The following PTPRT variants were observed in gnomAD, a reference collection of about 807,000 sequenced individuals.
PTPRT encodes receptor-type tyrosine-protein phosphatase T.
A neutral mutation model predicts 176.8 loss-of-function variants in PTPRT; 56 were observed. The observed-to-expected ratio is 0.32, with a 90% CI of 0.26 to 0.40. PTPRT has a LOEUF of 0.40. Ranked by LOEUF, PTPRT falls within the 10% of genes least tolerant of loss-of-function variation. PTPRT has a pLI of 1.00. For missense variants in PTPRT, 1,540 were observed against 1,908.2 expected (o/e 0.81, Z 3.60); for synonymous variants, 783 against 739.0 (o/e 1.06, Z -0.96).
intron 2 of PTPRT, among the ~76,000 whole-genome samples, chr20:42,884,870 G>A (rs2079077628): frequency 6.6e-6 from 1 of 152,102 alleles, no homozygotes; most frequent in South Asian, 2.1e-4. Context: ...CACTTTCTCA[G>A]AGTCACAACT....
At chr20:42,168,438 C>T (rs544303674) in intron 16 of PTPRT, among the ~76,000 whole-genome samples, 1 of 152,282 alleles carries the variant, frequency 6.6e-6, no homozygotes, top group Admixed American at 6.5e-5. Context: ...ACCTGGCTGG[C>T]AGTCAGTGCC....
At chr20:42,739,367 G>A (rs1038296840) in intron 6 of PTPRT, among the ~76,000 whole-genome samples, 3 of 152,162 alleles carry the variant, frequency 2.0e-5, no homozygotes, top group African/African-American at 7.2e-5. Flanking sequence ...GTAGGGGGAA[G>A]AGAGGAGGAA....
rs559929267 is a variant in PTPRT at position 42,497,394 on chromosome 20, G to A, written c.1154-24832C>T. Among the ~76,000 whole-genome samples the A allele has an allele frequency of 2.6e-5, 4 of 151,444 alleles. No homozygotes were observed. The South Asian group carries it at 8.4e-4, about 32-fold the overall frequency. The stretch of plus-strand genomic sequence containing the variant: ...TCAATTATTTTCTTAATGGCATCTG[G>A]GGTATTGTCTGCTGCCTCTTGGTGG... On this transcript the variant is annotated intron_variant, in intron 7 of 30. Transcript: ENST00000373187.
chr20:42,266,687 C>G (rs1224749285), intron 13 of PTPRT, among the ~76,000 whole-genome samples: 5 of 152,124 alleles, frequency 3.3e-5, no homozygotes, highest in African/African-American at 1.2e-4. Flanking sequence ...CAGATTTTGC[C>G]AAACGTCCCC....
intron 1 of PTPRT, among the ~76,000 whole-genome samples, chr20:43,139,784 C>T (rs1474804515): frequency 5.3e-5 from 8 of 152,192 alleles, no homozygotes; most frequent in Non-Finnish European, 1.2e-4. Context: ...GGCTCTGCCA[C>T]GTGGGGCCCT....
At chr20:43,019,693 T>C (rs891838005) in intron 1 of PTPRT, among the ~76,000 whole-genome samples, 5 of 150,564 alleles carry the variant, frequency 3.3e-5, no homozygotes, top group African/African-American at 1.2e-4. Context: ...GAGACTGATG[T>C]GTGAGTCCAT....
At chr20:42,535,270 G>C (rs886682087) in intron 7 of PTPRT, among the ~76,000 whole-genome samples, 3 of 152,154 alleles carry the variant, frequency 2.0e-5, no homozygotes, top group African/African-American at 7.2e-5. Context: ...GGAGCTAAAT[G>C]ATGAGTACAT....
At chr20:42,954,569 A>G (rs1981496618) in intron 1 of PTPRT, among the ~76,000 whole-genome samples, 2 of 152,200 alleles carry the variant, frequency 1.3e-5, no homozygotes, top group South Asian at 4.1e-4. Flanking sequence ...CTTCAGCAGT[A>G]AGTGCTACAT....
At chr20:43,059,281 G>A (rs1987361225) in intron 1 of PTPRT, among the ~76,000 whole-genome samples, 2 of 151,988 alleles carry the variant, frequency 1.3e-5, no homozygotes, top group Admixed American at 1.3e-4. Flanking sequence ...TCTAAGTTTT[G>A]ATTCCTTTTT....
intron 1 of PTPRT, among the ~76,000 whole-genome samples, chr20:42,945,711 G>A (rs182052652): frequency 1.1e-4 from 17 of 152,274 alleles, no homozygotes; most frequent in Admixed American, 3.3e-4. Context: ...GGGGTGCTTC[G>A]CTCTTAATGA....
chr20:42,189,290 A>G (rs564985084), intron 16 of PTPRT, among the ~76,000 whole-genome samples: 4 of 152,230 alleles, frequency 2.6e-5, no homozygotes, highest in African/African-American at 9.6e-5. Flanking sequence ...CTTACATCGT[A>G]TTTTCCAAAT....
intron 7 of PTPRT, among the ~76,000 whole-genome samples, chr20:42,673,898 C>T (rs1306143320): frequency 6.6e-6 from 1 of 152,176 alleles, no homozygotes; most frequent in Non-Finnish European, 1.5e-5. Flanking sequence ...GTTTTTCCTC[C>T]ATGAAGCATG....
intron 17 of PTPRT, among the ~76,000 whole-genome samples, chr20:42,153,767 C>A (rs1436743131): frequency 6.6e-6 from 1 of 152,194 alleles, no homozygotes; most frequent in African/African-American, 2.4e-5. Flanking sequence ...GACTCTAGGC[C>A]AGCAACTCTT....
Position 42,700,940 on chromosome 20 carries a change from T to C in PTPRT, c.860-22781A>G, listed in dbSNP as rs191733396. Among the ~76,000 whole-genome samples, 8 of 152,302 alleles carry C rather than the reference T, an allele frequency of 5.3e-5. No individual in the cohort carries two copies. The East Asian group carries it at 7.7e-4, about 15-fold the overall frequency. On this transcript the variant is annotated intron_variant, in intron 6 of 30. Coordinates refer to ENST00000373187, the MANE Select transcript of PTPRT (RefSeq NM_007050.6). ...GGACATTCTGCCTCCTAGGAGCCTA[T>C]AGCCAGGCAGAGCCAGTGGGGGCGG... is the stretch of plus-strand genomic sequence containing the variant.
rs1446903475 is a variant in PTPRT at position 42,084,806 on chromosome 20, T to G, written c.4012A>C (p.Ile1338Leu). ...GYRIVQHLQYIGWPAYRDTPP... is the reference protein window; with the variant it reads ...GYRIVQHLQYLGWPAYRDTPP... ...GTGTCCCGGTAGGCAGGCCAGCCAA[T>G]GTACTGGAGGTGCTGGACTATACGA... Residue 1338 changes from isoleucine to leucine, a missense_variant, in exon 29 of 31, where the codon ATT (isoleucine) becomes CTT (leucine). Physicochemically the swap from Ile to Leu is conservative, Grantham distance 5. Coordinates refer to ENST00000373187, the MANE Select transcript of PTPRT (RefSeq NM_007050.6). 2 of 1,544,170 alleles carry G rather than the reference T, an allele frequency of 1.3e-6. No individual in the cohort carries two copies. Among genetic ancestry groups the G allele is most frequent in the East Asian group, 4.7e-5 (2 of 42,598 alleles).
At position 42,084,674 on chromosome 20, in the gene PTPRT, G is replaced by C; in HGVS notation, c.4136+8C>G. ...CTATTGCCCTGGTGACACCTCCCTA[G>C]TACTCACAGGCAGTGGACCACAGTA... is the stretch of plus-strand genomic sequence containing the variant. On this transcript the variant is annotated splice_region_variant and intron_variant, in intron 29 of 30. Coordinates refer to ENST00000373187, the MANE Select transcript of PTPRT (RefSeq NM_007050.6). The C allele has an allele frequency of 6.7e-7, 1 of 1,484,894 alleles. No homozygotes were observed. The highest frequency in any genetic ancestry group is 9.0e-7 in the Non-Finnish European group (1 of 1,105,948). The allele number at this position is 1,484,894 out of a possible 1,614,324, so 92.0% of individuals were successfully genotyped here. A position where few individuals can be genotyped will look rare whatever the true frequency, so the allele number is the denominator to read the frequency against.
intron 5 of PTPRT, among the ~76,000 whole-genome samples, chr20:42,768,073 G>T (rs6072864): frequency 0.2 from 30,093 of 149,392 alleles, 3,377 homozygotes; most frequent in African/African-American, 0.3. Flanking sequence ...CCAATTACCT[G>T]ATTGCACATA....
chr20:42,988,536 G>A (rs1279748960), intron 1 of PTPRT, among the ~76,000 whole-genome samples: 6 of 152,108 alleles, frequency 3.9e-5, no homozygotes, highest in East Asian at 1.9e-4. Context: ...CAAGCAGCTC[G>A]GTCATACAAC....
At chr20:42,422,093 T>C (rs1487964169) in intron 9 of PTPRT, among the ~76,000 whole-genome samples, 1 of 152,134 alleles carries the variant, frequency 6.6e-6, no homozygotes, top group African/African-American at 2.4e-5. Context: ...TCCAAAACTA[T>C]AAAAAATCTG....
Sources: allele counts gnomAD v4.1 joint callset (sites outside exome capture counted in the v4.1 genomes callset), GRCh38; gene constraint gnomAD v4.1.1; transcripts MANE v1.5; gene names NCBI Gene and HGNC (gene_info 2026-07-23, HGNC 2026-07-21).